The following CBFA2T2 variants were observed in gnomAD, a reference collection of about 807,000 sequenced individuals.
CBFA2T2 encodes the protein CBFA2/RUNX1 partner transcriptional co-repressor 2, also known as protein CBFA2T2.
In CBFA2T2, 11 loss-of-function variants were observed where a neutral mutation model predicts 62.2. The observed-to-expected ratio is 0.18, with a 90% CI of 0.11 to 0.29. The LOEUF is 0.29. Among genes scored for constraint, CBFA2T2 ranks in the 10% least tolerant of loss-of-function variants. CBFA2T2 has a pLI of 1.00. For synonymous variants in CBFA2T2, 295 were observed against 287.5 expected (o/e 1.03, Z -0.27); for missense variants, 592 against 774.1 (o/e 0.76, Z 2.79).
chr20:33,601,754 C>G (rs753209979), intron 1 of CBFA2T2: 19 of 152,076 alleles, frequency 1.2e-4, no homozygotes, highest in South Asian at 2.1e-4. Flanking sequence ...ACCAGATCTT[C>G]TACCCCACAC....
chr20:33,624,796 T>C lies in CBFA2T2; in HGVS notation c.725T>C (p.Ile242Thr), dbSNP rs756625910. Residue 242 changes from isoleucine (I) to threonine (T), a missense_variant, in exon 6 of 11, where the codon ATT becomes ACT. Physicochemically the swap from Ile to Thr is moderately conservative, Grantham distance 89. Transcript: ENST00000342704. ...REENSFDRDT[I>T]APEPPAKRVC... ...GAGAATAGTTTTGATAGAGACACAA[T>C]TGCTCCTGAGCCTCCTGCCAAGAGA... 3.7e-6 allele frequency: 6 copies of C among 1,614,174 alleles called. No individual in the cohort carries two copies. In the South Asian group the frequency reaches 6.6e-5, roughly 18 times the overall value.
intron 1 of CBFA2T2, among the ~76,000 whole-genome samples, chr20:33,582,694 C>T (rs570611663): frequency 6.6e-6 from 1 of 152,268 alleles, no homozygotes; most frequent in East Asian, 1.9e-4. Flanking sequence ...GTAATCCCAG[C>T]ATTTTGGGAA....
chr20:33,611,710 T>C (rs1303690355), intron 3 of CBFA2T2, among the ~76,000 whole-genome samples: 1 of 152,154 alleles, frequency 6.6e-6, no homozygotes, highest in Admixed American at 6.5e-5. Flanking sequence ...AGATGGGATC[T>C]CTCTATCTTG....
intron 1 of CBFA2T2, among the ~76,000 whole-genome samples, chr20:33,564,513 C>T (rs1416752905): frequency 6.6e-6 from 1 of 152,116 alleles, no homozygotes; most frequent in East Asian, 1.9e-4. Flanking sequence ...CCTCAGCCTC[C>T]CAAAGTGCTG....
At chr20:33,588,897 G>A (rs1463312891) in intron 1 of CBFA2T2, among the ~76,000 whole-genome samples, 1 of 151,918 alleles carries the variant, frequency 6.6e-6, no homozygotes, top group South Asian at 2.1e-4. Flanking sequence ...AGCCATGATC[G>A]CGCCACTGCA....
intron 1 of CBFA2T2, among the ~76,000 whole-genome samples, chr20:33,517,444 T>G (rs984290756): frequency 3.3e-5 from 5 of 149,278 alleles, no homozygotes; most frequent in African/African-American, 1.3e-4. Flanking sequence ...TTTTTTGGTT[T>G]TTTTGGTGTT....
At chr20:33,529,032 G>T (rs2011968592) in intron 1 of CBFA2T2, among the ~76,000 whole-genome samples, 1 of 151,922 alleles carries the variant, frequency 6.6e-6, no homozygotes, top group African/African-American at 2.4e-5. Flanking sequence ...TTTTTTGTTT[G>T]TTTGTTTTTT....
intron 1 of CBFA2T2, among the ~76,000 whole-genome samples, chr20:33,535,656 T>A (rs1410112033): frequency 3.5e-5 from 5 of 143,242 alleles, no homozygotes; most frequent in Non-Finnish European, 7.4e-5. Flanking sequence ...TATTTATTTA[T>A]TTTATTTTAT....
chr20:33,554,035 A>G (rs185598961), intron 1 of CBFA2T2, among the ~76,000 whole-genome samples: 52 of 152,168 alleles, frequency 3.4e-4, no homozygotes, highest in African/African-American at 1.2e-3. Flanking sequence ...TTTGGGATAG[A>G]TTAAAATGTA....
chr20:33,562,111 T>G (rs936373975), intron 1 of CBFA2T2, among the ~76,000 whole-genome samples: 8 of 152,212 alleles, frequency 5.3e-5, no homozygotes, highest in Non-Finnish European at 1.0e-4. Context: ...GCTAAACATT[T>G]GAATGTTCCC....
At chr20:33,501,579 C>T (rs1034438140) in intron 1 of CBFA2T2, among the ~76,000 whole-genome samples, 4 of 148,600 alleles carry the variant, frequency 2.7e-5, no homozygotes, top group Non-Finnish European at 5.9e-5. Context: ...CATTAATTTT[C>T]CCTTGATAAG....
At chr20:33,592,238 CTG>C (rs1438139612) in intron 1 of CBFA2T2, among the ~76,000 whole-genome samples, 1 of 151,904 alleles carries the variant, frequency 6.6e-6, no homozygotes, top group Non-Finnish European at 1.5e-5. Flanking sequence ...TGGCACGCGT[CTG>C]TAATCCCAGC....
Position 33,587,590 on chromosome 20 carries a change from A to G in CBFA2T2, c.35-19366A>G, listed in dbSNP as rs1031300978. The stretch of plus-strand genomic sequence containing the variant: ...CAATTTTTGTACTTTTAGTAGAGAC[A>G]GGGTTTCACCATGTTGGCCAGGATG... On this transcript the variant is annotated intron_variant, in intron 1 of 10. Coordinates refer to ENST00000342704, the MANE Select transcript of CBFA2T2 (RefSeq NM_001032999.3). Among the ~76,000 whole-genome samples the G allele has an allele frequency of 2.6e-5, 4 of 151,440 alleles. No homozygotes were observed. The South Asian group carries it at 6.3e-4, about 24-fold the overall frequency.
intron 1 of CBFA2T2, among the ~76,000 whole-genome samples, chr20:33,496,312 G>T (rs1209870154): frequency 1.3e-5 from 2 of 152,232 alleles, no homozygotes; most frequent in Non-Finnish European, 2.9e-5. Flanking sequence ...GGCTGGAGTT[G>T]TTCCTGGCAG....
chr20:33,558,986 G>T (rs1423134259), intron 1 of CBFA2T2, among the ~76,000 whole-genome samples: 1 of 151,986 alleles, frequency 6.6e-6, no homozygotes, highest in Non-Finnish European at 1.5e-5. Context: ...TGTTTAACTA[G>T]ATGTACAGTT....
chr20:33,507,487 G>T (rs2011424062), intron 1 of CBFA2T2, among the ~76,000 whole-genome samples: 1 of 152,144 alleles, frequency 6.6e-6, no homozygotes, highest in African/African-American at 2.4e-5. Context: ...TTTTTGGACT[G>T]GCTATGTATT....
At position 33,636,699 on chromosome 20, in the gene CBFA2T2, A is replaced by G. The variant is rs753907066; in HGVS notation, c.1288A>G (p.Lys430Glu). 1.9e-6 allele frequency: 3 copies of G among 1,611,184 alleles called. No individual in the cohort carries two copies. Among genetic ancestry groups the G allele is most frequent in the Non-Finnish European group, 2.5e-6 (3 of 1,177,642 alleles). The change falls in exon 9 of 11, where the codon AAA (lysine) becomes GAA (glutamate). Residue 430 changes from lysine (K) to glutamate (E), a missense_variant. Coordinates refer to ENST00000342704, the MANE Select transcript of CBFA2T2 (RefSeq NM_001032999.3). ...GTGYVPVEFWKKTEEAVNKVK... is the reference protein window; with the variant it reads ...GTGYVPVEFWEKTEEAVNKVK... ...AGGATACGTACCTGTGGAGTTTTGG[A>G]AAAAAACAGGTATGTGTCTGACTGC...
intron 9 of CBFA2T2, among the ~76,000 whole-genome samples, chr20:33,638,125 C>T (rs1175323237): frequency 2.0e-5 from 3 of 151,578 alleles, no homozygotes; most frequent in Admixed American, 6.6e-5. Flanking sequence ...CAGGCACCCC[C>T]GACCATGCCC....
chr20:33,643,853 G>GTA (rs1568876832), intron 10 of CBFA2T2, among the ~76,000 whole-genome samples: 1 of 120,806 alleles, frequency 8.3e-6, no homozygotes, highest in African/African-American at 3.2e-5. Context: ...GTGTGTGTGT[G>GTA]TGTGTGTATA....
Sources: gnomAD v4.1 joint callset for allele counts (sites outside exome capture counted in the v4.1 genomes callset) on GRCh38, gnomAD v4.1.1 for gene constraint, MANE v1.5 for transcripts, NCBI Gene and HGNC (gene_info 2026-07-23, HGNC 2026-07-21) for gene names.